LRRC37A2: variants seen among roughly 807,000 people sequenced by gnomAD.
LRRC37A2 encodes the protein leucine-rich repeat-containing protein 37A2.
LRRC37A2 carries 9 observed loss-of-function variants against 68.8 expected under a neutral mutation model. That is an observed-to-expected ratio of 0.13 (90% CI 0.08 to 0.23). The LOEUF (loss-of-function observed/expected upper bound fraction) is 0.23. Among genes scored for constraint, LRRC37A2 ranks in the 10% least tolerant of loss-of-function variants. The probability of loss-of-function intolerance (pLI) is 1.00; values close to 1 mark genes in which losing one functional copy is unlikely to be tolerated. For missense variants in LRRC37A2, 168 were observed against 950.4 expected (o/e 0.18, Z 10.82); for synonymous variants, 63 against 367.6 (o/e 0.17, Z 9.48).
chr17:46,891,397 C>G, the LRRC37A2 span, among the ~76,000 whole-genome samples: 2 of 152,064 alleles, frequency 1.3e-5, no homozygotes, highest in African/African-American at 4.8e-5. Flanking sequence ...GATGACCCAA[C>G]CAGAACCCAA....
At chr17:46,852,278 A>G in the LRRC37A2 span, among the ~76,000 whole-genome samples, 15 of 99,468 alleles carry the variant, frequency 1.5e-4, no homozygotes, top group Admixed American at 1.9e-3. Flanking sequence ...GGACGGTGAG[A>G]GCGCCAGCTG....
chr17:46,458,563 T>C, the LRRC37A2 span, among the ~76,000 whole-genome samples: 1 of 64,024 alleles, frequency 1.6e-5, no homozygotes, highest in Non-Finnish European at 3.8e-5. Context: ...TTTTTTGAGA[T>C]GGAGTTTTGC....
downstream of LRRC37A2, among the ~76,000 whole-genome samples, chr17:46,557,971 G>A (rs1282429189): frequency 7.6e-6 from 1 of 131,098 alleles, no homozygotes; most frequent in Non-Finnish European, 1.6e-5. Context: ...TGAGCGGTCT[G>A]CAGGCCATAT....
the LRRC37A2 span, among the ~76,000 whole-genome samples, chr17:46,961,829 T>C: frequency 6.6e-6 from 1 of 152,216 alleles, no homozygotes; most frequent in East Asian, 1.9e-4. Context: ...TAATGCCTAC[T>C]GTATGCAGAG....
At chr17:46,887,284 G>A in the LRRC37A2 span, among the ~76,000 whole-genome samples, 1 of 152,100 alleles carries the variant, frequency 6.6e-6, no homozygotes, top group Non-Finnish European at 1.5e-5. Context: ...TTGAAATTGG[G>A]ATCCATTTCA....
the LRRC37A2 span, chr17:46,722,111 G>A: frequency 6.8e-6 from 11 of 1,611,602 alleles, no homozygotes; most frequent in East Asian, 2.2e-5. Flanking sequence ...GGCCGGACTC[G>A]AACTCGTCCG....
chr17:46,795,345 G>A, the LRRC37A2 span, among the ~76,000 whole-genome samples: 1 of 152,214 alleles, frequency 6.6e-6, no homozygotes, highest in East Asian at 1.9e-4. Context: ...CCTAGGCAGT[G>A]TGGAAAGCAG....
the LRRC37A2 span, among the ~76,000 whole-genome samples, chr17:47,048,188 G>A: frequency 6.7e-6 from 1 of 149,516 alleles, no homozygotes; most frequent in Non-Finnish European, 1.5e-5. Flanking sequence ...AGGTCTTCTG[G>A]CCCCAATTCT....
the LRRC37A2 span, chr17:46,818,751 G>C: frequency 1.3e-6 from 1 of 767,524 alleles, no homozygotes; most frequent in African/African-American, 1.7e-5. Flanking sequence ...CCCGAGCCCA[G>C]CGCGGAGCAG....
the LRRC37A2 span, among the ~76,000 whole-genome samples, chr17:46,926,105 T>C: frequency 1.4e-4 from 21 of 152,294 alleles, no homozygotes; most frequent in African/African-American, 4.8e-4. Context: ...TAAGAACTGT[T>C]ACCTTATCTC....
the LRRC37A2 span, among the ~76,000 whole-genome samples, chr17:46,900,189 A>G: frequency 2.7e-4 from 35 of 127,300 alleles, no homozygotes; most frequent in Non-Finnish European, 4.8e-4. Context: ...ATATATATAT[A>G]TATATATATA....
chr17:46,534,612 G>A (rs1264828946), intron 6 of LRRC37A2, among the ~76,000 whole-genome samples: 22 of 148,172 alleles, frequency 1.5e-4, no homozygotes, highest in Non-Finnish European at 3.1e-4. Flanking sequence ...CACAGACACA[G>A]CAACAATCTG....
chr17:46,760,764 G>A, the LRRC37A2 span, among the ~76,000 whole-genome samples: 4 of 151,930 alleles, frequency 2.6e-5, no homozygotes, highest in African/African-American at 7.3e-5. Flanking sequence ...TTTCAGCACC[G>A]ACAGGATGCC....
intron 6 of LRRC37A2, among the ~76,000 whole-genome samples, chr17:46,532,740 TATA>T (rs1323398569): frequency 1.4e-5 from 2 of 146,646 alleles, no homozygotes; most frequent in Non-Finnish European, 3.0e-5. Context: ...TTATTCATAT[TATA>T]ATCCTTTTTA....
the LRRC37A2 span, among the ~76,000 whole-genome samples, chr17:47,032,836 T>C: frequency 6.6e-6 from 1 of 152,174 alleles, no homozygotes; most frequent in Non-Finnish European, 1.5e-5. Flanking sequence ...CAAACCCAGG[T>C]CTGCCAGATT....
At chr17:46,958,614 G>T in the LRRC37A2 span, among the ~76,000 whole-genome samples, 1 of 152,216 alleles carries the variant, frequency 6.6e-6, no homozygotes, top group Non-Finnish European at 1.5e-5. Flanking sequence ...GTGCCAGTGG[G>T]ATGTGCCAGC....
At chr17:46,869,175 C>G in the LRRC37A2 span, among the ~76,000 whole-genome samples, 1 of 152,310 alleles carries the variant, frequency 6.6e-6, no homozygotes, top group South Asian at 2.1e-4. Context: ...GGCTACCTTT[C>G]CTGGTCATTA....
chr17:46,741,588 CAAAAA>C, the LRRC37A2 span, among the ~76,000 whole-genome samples: 24 of 144,884 alleles, frequency 1.7e-4, no homozygotes, highest in Admixed American at 1.2e-3. Flanking sequence ...CATTTAACTG[CAAAAA>C]AAAAAGAAAA....
At chr17:46,991,510 C>A in the LRRC37A2 span, among the ~76,000 whole-genome samples, 1 of 152,040 alleles carries the variant, frequency 6.6e-6, no homozygotes, top group South Asian at 2.1e-4. Flanking sequence ...CCCCTGTAAT[C>A]CCAGCTACTC....
Sources: allele counts gnomAD v4.1 joint callset (sites outside exome capture counted in the v4.1 genomes callset), GRCh38; gene constraint gnomAD v4.1.1; transcripts MANE v1.5; gene names NCBI Gene and HGNC (gene_info 2026-07-23, HGNC 2026-07-21).